DTHD1: variants seen among roughly 807,000 people sequenced by gnomAD.
DTHD1 encodes the protein death domain-containing protein 1.
A neutral mutation model predicts 74.8 loss-of-function variants in DTHD1; 59 were observed. The ratio of observed to expected loss-of-function variants is 0.79; its 90% CI spans 0.64 to 0.98. The LOEUF (loss-of-function observed/expected upper bound fraction) is 0.98. Among genes scored for constraint, DTHD1 ranks in the 50% least tolerant of loss-of-function variants. The probability of loss-of-function intolerance (pLI) is 0.00; values close to 1 mark genes in which losing one functional copy is unlikely to be tolerated. For missense variants in DTHD1, 1,051 were observed against 1,065.4 expected (o/e 0.99, Z 0.19); for synonymous variants, 365 against 371.1 (o/e 0.98, Z 0.19).
chr4:36,323,791 T>C (rs1323151327), intron 8 of DTHD1, among the ~76,000 whole-genome samples: 1 of 152,164 alleles, frequency 6.6e-6, no homozygotes, highest in African/African-American at 2.4e-5. Context: ...CCCTATCAAT[T>C]ACAGAAGAAA....
chr4:36,330,571 A>G (rs1381349645), intron 8 of DTHD1, among the ~76,000 whole-genome samples: 3 of 152,128 alleles, frequency 2.0e-5, no homozygotes, highest in Non-Finnish European at 4.4e-5. Context: ...GGTACATGGC[A>G]ATTATAGTAG....
At chr4:36,285,371 C>T (rs1282065610) in intron 2 of DTHD1, among the ~76,000 whole-genome samples, 1 of 151,980 alleles carries the variant, frequency 6.6e-6, no homozygotes, top group African/African-American at 2.4e-5. Context: ...AGTTTTAAAC[C>T]CGTGTCTGTA....
intron 8 of DTHD1, among the ~76,000 whole-genome samples, chr4:36,327,815 C>T (rs985270266): frequency 6.6e-6 from 1 of 152,014 alleles, no homozygotes; most frequent in Non-Finnish European, 1.5e-5. Context: ...AGATCTTTGC[C>T]CACTTTATAT....
chr4:36,293,736 C>A, intron 4 of DTHD1, 31 bp downstream of exon 4: 1 of 1,444,826 alleles, frequency 6.9e-7, no homozygotes. Flanking sequence ...TGAGTTCCTG[C>A]TCATAGATTT....
At chr4:36,315,837 T>G (rs916360791) in intron 7 of DTHD1, 1 of 154,968 alleles carries the variant, frequency 6.5e-6, no homozygotes, top group African/African-American at 2.4e-5. Flanking sequence ...CAGGTTATGT[T>G]TTGACAAAAG....
chr4:36,293,732 C>T (rs1756227609), intron 4 of DTHD1, 27 bp downstream of exon 4: 2 of 1,453,678 alleles, frequency 1.4e-6, no homozygotes, highest in Non-Finnish European at 1.8e-6. Flanking sequence ...TAGGTGAGTT[C>T]CTGCTCATAG....
At chr4:36,327,788 T>C (rs1250261783) in intron 8 of DTHD1, among the ~76,000 whole-genome samples, 4 of 152,234 alleles carry the variant, frequency 2.6e-5, no homozygotes, top group Non-Finnish European at 4.4e-5. Flanking sequence ...ATTCCATTTA[T>C]ATTTTCTGAA....
In DTHD1 at chr4:36,293,516, T is replaced by C. The variant is rs1211643269; in HGVS notation, c.1219-10T>C. On this transcript the variant is annotated splice_polypyrimidine_tract_variant and intron_variant, in intron 3 of 9. Coordinates refer to ENST00000639862, the MANE Select transcript of DTHD1 (RefSeq NM_001170700.3). ...CTATAGCTTATTTTAATGTTCTTTATTCTATACAGGGGACCTGTGCTTCAG... is the reference window on the plus strand; with the variant it reads ...CTATAGCTTATTTTAATGTTCTTTACTCTATACAGGGGACCTGTGCTTCAG... 1 of 1,510,726 alleles carries C rather than the reference T, an allele frequency of 6.6e-7. No individual in the cohort carries two copies. The highest frequency in any genetic ancestry group is 2.5e-5 in the East Asian group (1 of 40,332). The allele number at this position is 1,510,726 out of a possible 1,614,324, so 93.6% of individuals were successfully genotyped here.
chr4:36,309,048 G>A (rs1757227137), intron 7 of DTHD1, among the ~76,000 whole-genome samples: 1 of 152,094 alleles, frequency 6.6e-6, no homozygotes, highest in Non-Finnish European at 1.5e-5. Flanking sequence ...TTTATTCCAT[G>A]TATTTTATTT....
At chr4:36,300,513 T>C (rs1376623869) in intron 5 of DTHD1, among the ~76,000 whole-genome samples, 1 of 152,218 alleles carries the variant, frequency 6.6e-6, no homozygotes, top group African/African-American at 2.4e-5. Context: ...CACATTTTAT[T>C]TGGAGAGGGG....
intron 7 of DTHD1, among the ~76,000 whole-genome samples, chr4:36,313,462 C>G (rs2109513239): frequency 6.8e-6 from 1 of 147,778 alleles, no homozygotes. Flanking sequence ...CATGCCACTT[C>G]TCTTTTTTTG....
intron 8 of DTHD1, among the ~76,000 whole-genome samples, chr4:36,321,974 A>G (rs763840662): frequency 1.3e-5 from 2 of 151,966 alleles, no homozygotes; most frequent in Admixed American, 6.6e-5. Context: ...ATGTTCTTCC[A>G]TCAGATATCT....
intron 8 of DTHD1, among the ~76,000 whole-genome samples, chr4:36,336,694 G>T (rs988926704): frequency 7.0e-6 from 1 of 143,356 alleles, no homozygotes; most frequent in Non-Finnish European, 1.6e-5. Flanking sequence ...TTGGCCCCTG[G>T]AATTTCTAAG....
chr4:36,309,683 T>G (rs1757272437), intron 7 of DTHD1, among the ~76,000 whole-genome samples: 1 of 152,216 alleles, frequency 6.6e-6, no homozygotes. Context: ...ACAAAATGCT[T>G]TATTTTTTAT....
chr4:36,284,152 A>G lies in DTHD1; in HGVS notation c.448A>G (p.Arg150Gly). 1 of 1,537,240 alleles carries G rather than the reference A, an allele frequency of 6.5e-7. No individual in the cohort carries two copies. The highest frequency in any genetic ancestry group is 8.7e-7 in the Non-Finnish European group (1 of 1,146,880). ...TACCAAAGCAGCAGACATTGCTGCA[A>G]GAGGGGAACTAAATGTCATAGAAAC... ...QDTKAADIAA[R>G]GELNVIETAT... is the part of the protein sequence containing the mutation. Residue 150 changes from arginine (R) to glycine (G), a missense_variant, in exon 2 of 10, where the codon AGA becomes GGA. Arg to Gly is a moderately radical substitution (Grantham distance 125). Coordinates refer to ENST00000639862, the MANE Select transcript of DTHD1 (RefSeq NM_001170700.3).
chr4:36,336,914 C>T (rs193145669), intron 8 of DTHD1, among the ~76,000 whole-genome samples: 2 of 152,070 alleles, frequency 1.3e-5, no homozygotes, highest in African/African-American at 4.8e-5. Flanking sequence ...AAATAAGAAC[C>T]AGAGAAGGGC....
At chr4:36,311,415 A>G (rs1282985798) in intron 7 of DTHD1, 2 of 152,112 alleles carry the variant, frequency 1.3e-5, no homozygotes, top group African/African-American at 4.8e-5. Context: ...GTGAATCTCA[A>G]AGAGATAAAG....
At position 36,314,997 on chromosome 4, in the gene DTHD1, C is replaced by T. The variant is rs73809170; in HGVS notation, c.2096-1245C>T. On this transcript the variant is annotated intron_variant, in intron 7 of 9. Coordinates refer to ENST00000639862, the MANE Select transcript of DTHD1 (RefSeq NM_001170700.3). ...CTAAGAAGCTCAGAGATATGAAAAA[C>T]AATGGACAAGTATTAACAGATAAAT... Among the ~76,000 whole-genome samples, 1,137 of 152,226 alleles carry T rather than the reference C, an allele frequency of 7.5e-3. 9 individuals carry two copies. The highest frequency in any genetic ancestry group is 0.024 in the African/African-American group (1,016 of 41,560).
At chr4:36,289,217 A>T (rs1255763840) in intron 2 of DTHD1, among the ~76,000 whole-genome samples, 1 of 152,146 alleles carries the variant, frequency 6.6e-6, no homozygotes, top group Non-Finnish European at 1.5e-5. Context: ...GGTATAAATG[A>T]GAAGTAGTAA....
Sources: gnomAD v4.1 joint callset for allele counts (sites outside exome capture counted in the v4.1 genomes callset) on GRCh38, gnomAD v4.1.1 for gene constraint, MANE v1.5 for transcripts, NCBI Gene and HGNC (gene_info 2026-07-23, HGNC 2026-07-21) for gene names.